Variants in GRIK4 observed in about 807,000 individuals in gnomAD.
The protein encoded by GRIK4 is glutamate ionotropic receptor kainate type subunit 4, also known as glutamate receptor ionotropic, kainate 4.
Under a neutral mutation model 104.9 loss-of-function variants are expected in GRIK4, and 40 were observed. The ratio of observed to expected loss-of-function variants is 0.38; its 90% CI spans 0.30 to 0.50. GRIK4 has a LOEUF of 0.50. Among genes scored for constraint, GRIK4 ranks in the 20% least tolerant of loss-of-function variants. The pLI is 0.93. For synonymous variants in GRIK4, 485 were observed against 524.9 expected, an observed-to-expected ratio of 0.92 and a Z score of 1.04; for missense variants, 1,047 against 1,308.1, an observed-to-expected ratio of 0.80 and a Z score of 3.08.
intron 3 of GRIK4, among the ~76,000 whole-genome samples, chr11:120,699,026 A>G (rs1246941429): frequency 6.6e-6 from 1 of 152,104 alleles, no homozygotes; most frequent in Non-Finnish European, 1.5e-5. Flanking sequence ...TTCAGGGATG[A>G]TCTCCCACCT....
At chr11:120,845,535 T>G (rs896508162) in intron 8 of GRIK4, among the ~76,000 whole-genome samples, 1 of 152,172 alleles carries the variant, frequency 6.6e-6, no homozygotes, top group Admixed American at 6.5e-5. Context: ...AACATTTCAG[T>G]TGGCCTCTCA....
intron 14 of GRIK4, among the ~76,000 whole-genome samples, chr11:120,943,151 C>CACACACACACACACA (rs869038854): frequency 7.1e-5 from 7 of 98,516 alleles, no homozygotes; most frequent in South Asian, 3.7e-4. Flanking sequence ...CACACACACA[C>CACACACACACACACA]CCCCCTGACT....
rs187365077 is a variant in GRIK4, at chr11:120,633,410, C to A, written c.-158-20275C>A. Among the ~76,000 whole-genome samples the A allele has an allele frequency of 2.1e-3, 314 of 152,222 alleles. 4 individuals carry two copies. Among genetic ancestry groups the A allele is most frequent in the African/African-American group, 7.1e-3 (296 of 41,550 alleles). ...TCTGCAGACGCTGGCCCCTCTTAAT[C>A]GCTGCCCATGCCTTGTTCTGTGCAC... is the stretch of plus-strand genomic sequence containing the variant. On this transcript the variant is annotated intron_variant, in intron 1 of 20. Coordinates refer to ENST00000527524, the MANE Select transcript of GRIK4 (RefSeq NM_014619.5).
chr11:120,931,635 C>G (rs149600277), intron 13 of GRIK4, among the ~76,000 whole-genome samples: 2 of 152,266 alleles, frequency 1.3e-5, no homozygotes, highest in Non-Finnish European at 2.9e-5. Context: ...CCTCAGTTTT[C>G]TCATCTGTTA....
chr11:120,863,911 T>C (rs1483079363), intron 9 of GRIK4, among the ~76,000 whole-genome samples: 1 of 152,164 alleles, frequency 6.6e-6, no homozygotes, highest in Non-Finnish European at 1.5e-5. Flanking sequence ...CTCAGGAAGC[T>C]TTGATCCAGG....
chr11:120,673,438 T>C (rs1220804910), intron 3 of GRIK4, among the ~76,000 whole-genome samples: 1 of 152,210 alleles, frequency 6.6e-6, no homozygotes, highest in African/African-American at 2.4e-5. Flanking sequence ...TGTCCCCATA[T>C]TGTCTGATCC....
intron 3 of GRIK4, among the ~76,000 whole-genome samples, chr11:120,724,667 C>T (rs999701424): frequency 6.6e-6 from 1 of 152,188 alleles, no homozygotes; most frequent in Admixed American, 6.5e-5. Context: ...TTATAAATGT[C>T]TAAGCCTAGA....
chr11:120,660,418 TG>T lies in GRIK4; in HGVS notation c.82+22del. ...GAGGATCGGTAAGTGTGGCCCAGCT[TG>T]GGGCAGTGCCCCCACCCACTATCCC... On this transcript the variant is annotated intron_variant, in intron 3 of 20. Coordinates refer to ENST00000527524, the MANE Select transcript of GRIK4 (RefSeq NM_014619.5). The T allele has an allele frequency of 6.3e-7, 1 of 1,588,538 alleles. No homozygotes were observed.
intron 13 of GRIK4, among the ~76,000 whole-genome samples, chr11:120,928,696 A>G (rs1943408223): frequency 6.6e-6 from 1 of 152,196 alleles, no homozygotes; most frequent in South Asian, 2.1e-4. Flanking sequence ...CTATAGGCCA[A>G]TAACACAGCC....
intron 1 of GRIK4, among the ~76,000 whole-genome samples, chr11:120,518,536 G>A (rs1947757930): frequency 6.6e-6 from 1 of 152,154 alleles, no homozygotes; most frequent in Non-Finnish European, 1.5e-5. Flanking sequence ...GGGTGTTTAA[G>A]TCACTTGTCC....
chr11:120,719,030 GT>G (rs1039670018), intron 3 of GRIK4, among the ~76,000 whole-genome samples: 4 of 152,026 alleles, frequency 2.6e-5, no homozygotes, highest in South Asian at 2.1e-4. Context: ...GGTTTTGCGG[GT>G]TTTTTTTAGA....
chr11:120,890,368 C>A (rs1018017866), intron 11 of GRIK4, among the ~76,000 whole-genome samples: 9 of 152,188 alleles, frequency 5.9e-5, no homozygotes, highest in Non-Finnish European at 1.0e-4. Flanking sequence ...GCCAAGCTAG[C>A]TCCTAAGCAA....
chr11:120,982,475 G>A (rs1476181250), intron 20 of GRIK4, among the ~76,000 whole-genome samples: 2 of 152,198 alleles, frequency 1.3e-5, no homozygotes, highest in East Asian at 3.8e-4. Flanking sequence ...CTATGGAAAA[G>A]ACAACCTCAG....
intron 1 of GRIK4, among the ~76,000 whole-genome samples, chr11:120,582,020 GA>G (rs2135096319): frequency 6.6e-6 from 1 of 151,454 alleles, no homozygotes; most frequent in South Asian, 2.1e-4. Context: ...TGTTAGCCAG[GA>G]TGGTCTCGAT....
chr11:120,974,559 G>T (rs1313181214), intron 19 of GRIK4, among the ~76,000 whole-genome samples: 2 of 152,202 alleles, frequency 1.3e-5, no homozygotes, highest in East Asian at 3.8e-4. Flanking sequence ...TCAAAGAAAA[G>T]GAACTGGTGC....
intron 13 of GRIK4, among the ~76,000 whole-genome samples, chr11:120,933,514 A>G (rs1436446325): frequency 6.6e-6 from 1 of 152,232 alleles, no homozygotes; most frequent in East Asian, 1.9e-4. Flanking sequence ...GAGGCTTAGA[A>G]AAAGTTGAAT....
At chr11:120,658,087 T>G (rs2135234177) in intron 2 of GRIK4, among the ~76,000 whole-genome samples, 1 of 152,356 alleles carries the variant, frequency 6.6e-6, no homozygotes, top group Non-Finnish European at 1.5e-5. Flanking sequence ...TGTAATCTTT[T>G]GTAATCTTTT....
chr11:120,715,249 C>A (rs191052444), intron 3 of GRIK4, among the ~76,000 whole-genome samples: 113 of 152,270 alleles, frequency 7.4e-4, no homozygotes, highest in African/African-American at 2.6e-3. Context: ...GGAGAAGGGG[C>A]CCTGGGGCAC....
chr11:120,938,826 T>G (rs1004607733), intron 13 of GRIK4, among the ~76,000 whole-genome samples: 16 of 152,212 alleles, frequency 1.1e-4, no homozygotes, highest in Non-Finnish European at 2.4e-4. Context: ...TAAGTTAGAA[T>G]CATCAGGGCA....
Sources: gnomAD v4.1 joint callset for allele counts (sites outside exome capture counted in the v4.1 genomes callset) on GRCh38, gnomAD v4.1.1 for gene constraint, MANE v1.5 for transcripts, NCBI Gene and HGNC (gene_info 2026-07-23, HGNC 2026-07-21) for gene names.